The following FASTKD3 variants were observed in gnomAD, a reference collection of about 807,000 sequenced individuals.
FASTKD3 encodes the protein FAST kinase domains 3.
In FASTKD3, 47 loss-of-function variants were observed where a neutral mutation model predicts 49.7. That is an observed-to-expected ratio of 0.95 (90% CI 0.75 to 1.21). The LOEUF (loss-of-function observed/expected upper bound fraction) is 1.21, where lower values mean the gene tolerates loss of function less well. FASTKD3 is among the 50% of genes most tolerant of loss of function. The pLI is 0.00. For missense variants in FASTKD3, 748 were observed against 765.7 expected (o/e 0.98, Z 0.27); for synonymous variants, 284 against 288.6 (o/e 0.98, Z 0.16).
intron 4 of FASTKD3, among the ~76,000 whole-genome samples, chr5:7,862,515 AC>A (rs1298030080): frequency 1.3e-5 from 2 of 152,158 alleles, no homozygotes; most frequent in African/African-American, 4.8e-5. Flanking sequence ...CGTTCCAGGT[AC>A]TATTTTATTT....
chr5:7,865,128 G>GA (rs982522239), intron 3 of FASTKD3, among the ~76,000 whole-genome samples: 18 of 151,756 alleles, frequency 1.2e-4, no homozygotes, highest in Admixed American at 2.6e-4. Flanking sequence ...CTTGAAAAGA[G>GA]AAAAAAAATA....
Position 7,867,120 on chromosome 5 carries a change from C to T in FASTKD3, c.964G>A (p.Val322Ile). 1 of 1,614,168 alleles carries T rather than the reference C, an allele frequency of 6.2e-7. No individual in the cohort carries two copies. Among genetic ancestry groups the T allele is most frequent in the South Asian group, 1.1e-5 (1 of 91,076 alleles). ...FPLIIKLGKYVVRHVPHFTNE... is the reference protein window; with the variant it reads ...FPLIIKLGKYIVRHVPHFTNE... ...GTGAAATGTGGGACATGCCTCACGA[C>T]ATATTTGCCCAATTTTATAATCAGA... The change falls in exon 2 of 7, where the codon GTC becomes ATC. Residue 322 changes from valine to isoleucine, a missense_variant. Val to Ile is a conservative substitution (Grantham distance 29, BLOSUM62 3). This residue lies in a region of FASTKD3 where 564 missense variants were observed against 562.8 expected (regional missense o/e 1.00). Coordinates refer to ENST00000264669, the MANE Select transcript of FASTKD3 (RefSeq NM_024091.4).
intron 3 of FASTKD3, among the ~76,000 whole-genome samples, chr5:7,863,966 C>T (rs938818944): frequency 2.6e-5 from 4 of 152,162 alleles, no homozygotes; most frequent in African/African-American, 4.8e-5. Flanking sequence ...TCTCCTAACT[C>T]AGAGTCCAGA....
Position 7,859,445 on chromosome 5 carries a change from A to G in FASTKD3, c.1979T>C (p.Leu660Ser), listed in dbSNP as rs377149630. 3.1e-6 allele frequency: 5 copies of G among 1,593,930 alleles called. No homozygotes were observed. Among genetic ancestry groups the G allele is most frequent in the Non-Finnish European group, 4.3e-6 (5 of 1,167,898 alleles). The change falls in exon 7 of 7, where the codon TTG (leucine) becomes TCG (serine). Residue 660 changes from leucine to serine, a missense_variant. By Grantham distance (145) the Leu-to-Ser change is moderately radical (BLOSUM62 -2). Around this residue, in one of 3 missense-constraint regions of FASTKD3, gnomAD observed 178 missense variants for 182.2 expected, o/e 0.98. Transcript: ENST00000264669. Reference protein sequence around the residue: ...KLFSQNTVHWLQE With the variant: ...KLFSQNTVHWSQE ...TTCTGAAGTCAGTATTCATTCTTGC[A>G]ACCAATGAACAGTGTTTTGAGAAAA...
At chr5:7,866,528 C>T in intron 2 of FASTKD3, 118 bp downstream of exon 2, 1 of 762,030 alleles carries the variant, frequency 1.3e-6, no homozygotes, top group African/African-American at 1.7e-5. Context: ...CAGGTCTCAT[C>T]TTCGGATCAC....
intron 4 of FASTKD3, 25 bp downstream of exon 4, chr5:7,862,798 C>T (rs1370723236): frequency 1.9e-6 from 3 of 1,588,170 alleles, no homozygotes; most frequent in Non-Finnish European, 2.6e-6. Flanking sequence ...AGGTTTAAAA[C>T]AACAAAACTC....
intron 3 of FASTKD3, among the ~76,000 whole-genome samples, chr5:7,863,963 A>ACTCAGAGTCCAGAGTAGCTGGGACTAT (rs1746746404): frequency 6.6e-6 from 1 of 152,032 alleles, no homozygotes; most frequent in Non-Finnish European, 1.5e-5. Flanking sequence ...GATTCTCCTA[A>ACTCAGAGTCCAGAGTAGCTGGGACTAT]CTCAGAGTCC....
At chr5:7,863,584 G>T (rs1746705097) in intron 3 of FASTKD3, among the ~76,000 whole-genome samples, 1 of 152,132 alleles carries the variant, frequency 6.6e-6, no homozygotes, top group Non-Finnish European at 1.5e-5. Context: ...AACACTTCTG[G>T]TCCTGAGCAT....
At position 7,867,302 on chromosome 5, in the gene FASTKD3, C is replaced by A; in HGVS notation, c.782G>T (p.Arg261Ile). 6.2e-7 allele frequency: 1 copy of A among 1,613,768 alleles called. No individual in the cohort carries two copies. The highest frequency in any genetic ancestry group is 1.1e-5 in the South Asian group (1 of 91,092). ...FTPEDIVALY[R>I]ILQACTEKVD... The stretch of plus-strand genomic sequence containing the variant: ...TTTTTCAGTACATGCCTGCAAGATT[C>A]TATAAAGGGCCACAATATCCTCCGG... The change falls in exon 2 of 7, where the codon AGA becomes ATA. Residue 261 changes from arginine (R) to isoleucine (I), a missense_variant. Coordinates refer to ENST00000264669, the MANE Select transcript of FASTKD3 (RefSeq NM_024091.4).
At position 7,867,098 on chromosome 5, in the gene FASTKD3, A is replaced by G; in HGVS notation, c.986T>C (p.Phe329Ser). 1 of 1,614,208 alleles carries G rather than the reference A, an allele frequency of 6.2e-7. No individual in the cohort carries two copies. The highest frequency in any genetic ancestry group is 2.2e-5 in the East Asian group (1 of 44,888). The change falls in exon 2 of 7, where the codon TTC (phenylalanine) becomes TCC (serine). Residue 329 changes from phenylalanine to serine, a missense_variant. Physicochemically the swap from Phe to Ser is radical, Grantham distance 155. Around this residue, in one of 3 missense-constraint regions of FASTKD3, gnomAD observed 564 missense variants for 562.8 expected, o/e 1.00. Transcript: ENST00000264669. ...GKYVVRHVPH[F>S]TNEELRRVLE... ...GACTCTCCTAAGCTCCTCGTTAGTG[A>G]AATGTGGGACATGCCTCACGACATA... is the stretch of plus-strand genomic sequence containing the variant.
chr5:7,863,538 A>G (rs889621344), intron 3 of FASTKD3, among the ~76,000 whole-genome samples: 1 of 152,220 alleles, frequency 6.6e-6, no homozygotes, highest in African/African-American at 2.4e-5. Context: ...AAATATAATG[A>G]GAATATTTTA....
In FASTKD3 at chr5:7,868,774, CGT is replaced by C. The variant is rs145393069; in HGVS notation, c.-114+203_-114+204del. On this transcript the variant is annotated intron_variant, in intron 1 of 6. Coordinates refer to ENST00000264669, the MANE Select transcript of FASTKD3 (RefSeq NM_024091.4). ...GACGGTGCGGGGGGATTTGGCAACACGTGTGTGCAAGACAGACAGACGGGAGG... is the reference window on the plus strand; with the variant it reads ...GACGGTGCGGGGGGATTTGGCAACACGTGTGCAAGACAGACAGACGGGAGG... Among the ~76,000 whole-genome samples, 1,176 of 152,322 alleles carry C rather than the reference CGT, an allele frequency of 7.7e-3. 21 individuals are homozygous for C. Among genetic ancestry groups the C allele is most frequent in the African/African-American group, 0.027 (1,114 of 41,568 alleles).
intron 1 of FASTKD3, 34 bp downstream of exon 1, chr5:7,868,945 A>G (rs1429445322): frequency 8.6e-6 from 6 of 698,336 alleles, no homozygotes; most frequent in Admixed American, 2.0e-5. Context: ...ACCCAGCCGG[A>G]CCAACTGCGC....
intron 3 of FASTKD3, chr5:7,863,282 G>A: frequency 2.8e-6 from 1 of 361,236 alleles, no homozygotes; most frequent in South Asian, 3.0e-5. Context: ...GGAGTGAGGA[G>A]AGAGTGAGAA....
chr5:7,867,974 A>C lies in FASTKD3; in HGVS notation c.110T>G (p.Val37Gly). Residue 37 changes from valine (V) to glycine (G), a missense_variant, in exon 2 of 7, where the codon GTC (valine) becomes GGC (glycine). Val to Gly is a moderately radical substitution (Grantham distance 109, BLOSUM62 -3). Transcript: ENST00000264669. Reference sequence around the variant, plus strand: ...CAACCAAGGGCACAGACGCTCCTTGACTACCTTGTGAACATGATTTAGAGG... The same window carrying C: ...CAACCAAGGGCACAGACGCTCCTTGCCTACCTTGTGAACATGATTTAGAGG... ...NKPLNHVHKV[V>G]KERLCPWLCS... 1 of 1,614,196 alleles carries C rather than the reference A, an allele frequency of 6.2e-7. No homozygotes were observed. Among genetic ancestry groups the C allele is most frequent in the Non-Finnish European group, 8.5e-7 (1 of 1,180,016 alleles).
chr5:7,863,675 T>A (rs1466360520), intron 3 of FASTKD3, among the ~76,000 whole-genome samples: 1 of 152,172 alleles, frequency 6.6e-6, no homozygotes, highest in Non-Finnish European at 1.5e-5. Flanking sequence ...GATAGCAATA[T>A]AATAAACGAT....
At chr5:7,868,757 G>C (rs375669283) in intron 1 of FASTKD3, among the ~76,000 whole-genome samples, 2 of 152,158 alleles carry the variant, frequency 1.3e-5, no homozygotes, top group Non-Finnish European at 2.9e-5. Flanking sequence ...AAGACGGTGC[G>C]GGGGGATTTG....
chr5:7,866,899 AG>A lies in FASTKD3; in HGVS notation c.1184del (p.Thr395IlefsTer17). On this transcript the variant is annotated frameshift_variant, in exon 2 of 7. Transcript: ENST00000264669. LOFTEE classifies it high-confidence loss of function. Reference sequence around the variant, plus strand: ...AAAATTTTTCTGTTTGGCAAACAAAAGTTTCTGCCACTGCATTGAGGATGGG... The same window carrying A: ...AAAATTTTTCTGTTTGGCAAACAAAATTTCTGCCACTGCATTGAGGATGGG... ...SKPILNAVAE[T>X]FVCQTEKFSP... is the part of the protein sequence containing the mutation. 6.2e-7 allele frequency: 1 copy of A among 1,614,210 alleles called. No individual in the cohort carries two copies. Among genetic ancestry groups the A allele is most frequent in the Non-Finnish European group, 8.5e-7 (1 of 1,180,030 alleles).
At chr5:7,862,761 A>G (rs1222729272) in intron 4 of FASTKD3, 62 bp downstream of exon 4, 8 of 1,405,536 alleles carry the variant, frequency 5.7e-6, no homozygotes, top group Admixed American at 2.0e-5. Flanking sequence ...TAAGTCCCAT[A>G]TATCTCCAAA....
Sources: allele counts gnomAD v4.1 joint callset (sites outside exome capture counted in the v4.1 genomes callset), GRCh38; gene constraint gnomAD v4.1.1; regional missense constraint gnomAD v4.1.1; transcripts MANE v1.5; gene names NCBI Gene and HGNC (gene_info 2026-07-23, HGNC 2026-07-21).